Variants in ARHGAP21 observed in about 807,000 individuals in gnomAD.
ARHGAP21 encodes the protein Rho GTPase activating protein 21, also known as rho GTPase-activating protein 21.
Under a neutral mutation model 164.6 loss-of-function variants are expected in ARHGAP21, and 38 were observed. That is an observed-to-expected ratio of 0.23 (90% CI 0.18 to 0.30). ARHGAP21 has a LOEUF of 0.30. Among genes scored for constraint, ARHGAP21 ranks in the 10% least tolerant of loss-of-function variants. The pLI is 1.00. For synonymous variants in ARHGAP21, 766 were observed against 857.9 expected (o/e 0.89, Z 1.87); for missense variants, 1,822 against 2,370.7 (o/e 0.77, Z 4.81).
chr10:24,623,463 TATAAA>T (rs1373520038), intron 7 of ARHGAP21, among the ~76,000 whole-genome samples: 3 of 152,218 alleles, frequency 2.0e-5, no homozygotes, highest in African/African-American at 7.2e-5. Flanking sequence ...AAGCTAGCCA[TATAAA>T]ATAAAATATG....
intron 4 of ARHGAP21, among the ~76,000 whole-genome samples, chr10:24,638,783 G>A (rs749049209): frequency 1.4e-4 from 22 of 152,056 alleles, no homozygotes; most frequent in Non-Finnish European, 3.1e-4. Context: ...TCCTATATTT[G>A]TAGAAAAGAA....
chr10:24,604,298 A>T lies in ARHGAP21; in HGVS notation c.2721+14T>A. The T allele has an allele frequency of 6.4e-7, 1 of 1,553,540 alleles. No homozygotes were observed. Among genetic ancestry groups the T allele is most frequent in the Non-Finnish European group, 8.7e-7 (1 of 1,149,312 alleles). On this transcript the variant is annotated intron_variant, in intron 12 of 25. Coordinates refer to ENST00000396432, the MANE Select transcript of ARHGAP21 (RefSeq NM_020824.4). ...GAGATAAACTAAGGTAAGTAGAAAC[A>T]CTCTAATACCAACCTTGATTCCCTT...
chr10:24,646,127 TTC>T (rs1837546163), intron 4 of ARHGAP21, among the ~76,000 whole-genome samples: 1 of 152,248 alleles, frequency 6.6e-6, no homozygotes, highest in Admixed American at 6.5e-5. Context: ...AATATTTCTA[TTC>T]TGTTTTTATA....
intron 2 of ARHGAP21, among the ~76,000 whole-genome samples, chr10:24,716,433 A>G (rs539128178): frequency 6.6e-6 from 1 of 152,210 alleles, no homozygotes; most frequent in African/African-American, 2.4e-5. Context: ...AGACTGGGGG[A>G]AGTGTTCTAA....
chr10:24,705,916 G>T (rs553702997), intron 2 of ARHGAP21, among the ~76,000 whole-genome samples: 1 of 152,234 alleles, frequency 6.6e-6, no homozygotes, highest in Admixed American at 6.5e-5. Context: ...TTGATCGAGG[G>T]ATAAAGGGAA....
At chr10:24,604,233 A>G in intron 12 of ARHGAP21, 79 bp downstream of exon 12, 1 of 941,938 alleles carries the variant, frequency 1.1e-6, no homozygotes, top group Non-Finnish European at 1.5e-6. Context: ...ATATTTAAAT[A>G]TTAAATGTCT....
intron 2 of ARHGAP21, among the ~76,000 whole-genome samples, chr10:24,683,047 G>C (rs1027416970): frequency 7.1e-6 from 1 of 141,770 alleles, no homozygotes; most frequent in African/African-American, 2.6e-5. Flanking sequence ...AGTGAGTGGA[G>C]ATCACACCAG....
rs779694810 is a variant in ARHGAP21 at position 24,619,711 on chromosome 10, A to G, written c.2184T>C (p.Thr728=). The G allele has an allele frequency of 9.9e-6, 16 of 1,614,178 alleles. No homozygotes were observed. The South Asian group carries it at 1.6e-4, about 17-fold the overall frequency. ...LQEAETEQSD[T]LDNKEAVILR... is the part of the protein sequence containing the mutation. ...GGATGACAGCTTCTTTATTATCTAA[A>G]GTATCTGATTGCTCAGTTTCAGCCT... is the stretch of plus-strand genomic sequence containing the variant. Residue 728 remains threonine, a synonymous_variant, in exon 9 of 26, where the codon ACT becomes ACC. Transcript: ENST00000396432.
intron 2 of ARHGAP21, among the ~76,000 whole-genome samples, chr10:24,699,955 G>GC (rs994809731): frequency 2.0e-5 from 3 of 152,118 alleles, no homozygotes; most frequent in African/African-American, 7.2e-5. Flanking sequence ...CATTTTAGAA[G>GC]CTTGCTGTGA....
At chr10:24,590,840 T>C (rs2076294906) in intron 24 of ARHGAP21, 1 of 982,058 alleles carries the variant, frequency 1.0e-6, no homozygotes, top group Non-Finnish European at 1.2e-6. Flanking sequence ...AAGAACTACT[T>C]ATACAGCCCA....
chr10:24,620,769 A>G lies in ARHGAP21; in HGVS notation c.1126T>C (p.Tyr376His). The G allele has an allele frequency of 6.2e-7, 1 of 1,614,216 alleles. No individual in the cohort carries two copies. Among genetic ancestry groups the G allele is most frequent in the Non-Finnish European group, 8.5e-7 (1 of 1,180,052 alleles). Residue 376 changes from tyrosine to histidine, a missense_variant, in exon 9 of 26, where the codon TAT becomes CAT. Around this residue, in one of 5 missense-constraint regions of ARHGAP21, gnomAD observed 1,090 missense variants for 1,378.9 expected, o/e 0.79. Transcript: ENST00000396432. ...ATGTGCTGATGGGAATTTGGCGAAT[A>G]GTGATTAACAGATACAGAGGGAGCC... ...VEAPSVSVNH[Y>H]SPNSHQHIDW... is the part of the protein sequence containing the mutation.
chr10:24,721,972 C>T lies in ARHGAP21; in HGVS notation c.-73G>A, dbSNP rs779008981. On this transcript the variant is annotated 5_prime_UTR_variant, in exon 2 of 26. It adds an upstream start codon to the 5' untranslated region. Coordinates refer to ENST00000396432, the MANE Select transcript of ARHGAP21 (RefSeq NM_020824.4). Reference sequence around the variant, plus strand: ...GGACGTGGCGGGGAATGCCACCACACACCCGAAGGGGAAGAATTCCACAAG... The same window carrying T: ...GGACGTGGCGGGGAATGCCACCACATACCCGAAGGGGAAGAATTCCACAAG... 8.4e-5 allele frequency: 126 copies of T among 1,492,636 alleles called. No homozygotes were observed. The highest frequency in any genetic ancestry group is 1.1e-4 in the Non-Finnish European group (119 of 1,077,404). The allele number at this position is 1,492,636 out of a possible 1,614,324, so 92.5% of individuals were successfully genotyped here.
At position 24,657,635 on chromosome 10, in the gene ARHGAP21, G is replaced by A. The variant is rs970412507; in HGVS notation, c.268+9350C>T. Among the ~76,000 whole-genome samples the A allele has an allele frequency of 6.3e-5, 8 of 126,826 alleles. 1 individual carries two copies. Among genetic ancestry groups the A allele is most frequent in the Non-Finnish European group, 1.3e-4 (8 of 60,932 alleles). The allele number at this position is 126,826 out of a possible 152,430, so 83.2% of individuals were successfully genotyped here. On this transcript the variant is annotated intron_variant, in intron 4 of 25. Transcript: ENST00000396432. ...GCGGGAAAGGTGGGGAAAAGATTGA[G>A]AAACCGGATGGTTGCCGTGTCTGTG... is the stretch of plus-strand genomic sequence containing the variant.
At position 24,586,120 on chromosome 10, in the gene ARHGAP21, G is replaced by C. The variant is rs1431004918; in HGVS notation, c.4183-14C>G. On this transcript the variant is annotated splice_polypyrimidine_tract_variant and intron_variant, in intron 25 of 25. Transcript: ENST00000396432. ...TCCCCAAGAACCCTGGGAAGCAAGA[G>C]AGAAGAAAGACTCTGAGCATAAGAA... 2 of 1,556,364 alleles carry C rather than the reference G, an allele frequency of 1.3e-6. No homozygotes were observed. The highest frequency in any genetic ancestry group is 2.2e-5 in the East Asian group (1 of 44,508).
Position 24,583,780 on chromosome 10 carries a change from A to C in ARHGAP21, c.*632T>G, listed in dbSNP as rs2075989654. ...CACCTATGTTACAACATTATATCAA[A>C]TCTGGTATCTGAAGAAAAGATACAC... is the stretch of plus-strand genomic sequence containing the variant. On this transcript the variant is annotated 3_prime_UTR_variant, in exon 26 of 26. Transcript: ENST00000396432. 2 of 152,660 alleles carry C rather than the reference A, an allele frequency of 1.3e-5. No homozygotes were observed. Among genetic ancestry groups the C allele is most frequent in the Admixed American group, 1.3e-4 (2 of 15,286 alleles). 9.5% of individuals were successfully genotyped at this position (152,660 alleles called of 1,614,324 possible).
chr10:24,673,813 G>C (rs1840948663), intron 2 of ARHGAP21, among the ~76,000 whole-genome samples: 1 of 152,004 alleles, frequency 6.6e-6, no homozygotes, highest in Admixed American at 6.6e-5. Flanking sequence ...AGTGAGCCGA[G>C]ATTACACCAC....
chr10:24,694,744 T>C (rs1232897186), intron 2 of ARHGAP21, among the ~76,000 whole-genome samples: 2 of 152,212 alleles, frequency 1.3e-5, no homozygotes, highest in African/African-American at 4.8e-5. Context: ...CTGAATCCTT[T>C]AAGTCCTCCT....
At chr10:24,669,842 T>C (rs1840529690) in intron 3 of ARHGAP21, among the ~76,000 whole-genome samples, 1 of 152,332 alleles carries the variant, frequency 6.6e-6, no homozygotes, top group African/African-American at 2.4e-5. Context: ...TTCTACTAAT[T>C]TTCTATAACT....
intron 2 of ARHGAP21, among the ~76,000 whole-genome samples, chr10:24,720,897 A>C (rs1361921511): frequency 6.6e-6 from 1 of 152,154 alleles, no homozygotes; most frequent in African/African-American, 2.4e-5. Context: ...AACAATATTC[A>C]GTCTATTTAA....
Sources: allele counts gnomAD v4.1 joint callset (sites outside exome capture counted in the v4.1 genomes callset), GRCh38; gene constraint gnomAD v4.1.1; regional missense constraint gnomAD v4.1.1; transcripts MANE v1.5; gene names NCBI Gene and HGNC (gene_info 2026-07-23, HGNC 2026-07-21).